Variants in SCAPER observed in about 807,000 individuals in gnomAD.
SCAPER encodes S phase cyclin A-associated protein in the endoplasmic reticulum.
Under a neutral mutation model 182.2 loss-of-function variants are expected in SCAPER, and 98 were observed. That is an observed-to-expected ratio of 0.54 (90% CI 0.46 to 0.64). SCAPER has a LOEUF of 0.64. Ranked by LOEUF, SCAPER falls within the 30% of genes least tolerant of loss-of-function variation. The probability of loss-of-function intolerance (pLI) is 0.00; values close to 1 mark genes in which losing one functional copy is unlikely to be tolerated. For missense variants in SCAPER, 1,432 were observed against 1,690.0 expected (o/e 0.85, Z 2.68); for synonymous variants, 605 against 564.6 (o/e 1.07, Z -1.01).
At chr15:76,887,624 T>C (rs1211548826) in intron 1 of SCAPER, among the ~76,000 whole-genome samples, 1 of 152,082 alleles carries the variant, frequency 6.6e-6, no homozygotes, top group East Asian at 1.9e-4. Flanking sequence ...TGCTGAGGCA[T>C]GAGTAGGTAA....
chr15:76,512,439 G>C (rs2042120121), intron 23 of SCAPER, among the ~76,000 whole-genome samples: 1 of 151,778 alleles, frequency 6.6e-6, no homozygotes, highest in Non-Finnish European at 1.5e-5. Flanking sequence ...AAAGCCTTTA[G>C]GTACTGACAT....
At chr15:76,540,810 A>T (rs1195083162) in intron 23 of SCAPER, among the ~76,000 whole-genome samples, 1 of 152,024 alleles carries the variant, frequency 6.6e-6, no homozygotes, top group Non-Finnish European at 1.5e-5. Flanking sequence ...CTTATGATAG[A>T]ATATCATGTG....
At chr15:76,826,288 CA>C (rs1335630736) in intron 5 of SCAPER, among the ~76,000 whole-genome samples, 4 of 151,150 alleles carry the variant, frequency 2.6e-5, no homozygotes, top group African/African-American at 9.7e-5. Context: ...TGGAAATCAT[CA>C]TTCTCAGTAA....
chr15:76,561,974 A>G (rs951217201), intron 23 of SCAPER, among the ~76,000 whole-genome samples: 1 of 151,616 alleles, frequency 6.6e-6, no homozygotes, highest in African/African-American at 2.4e-5. Flanking sequence ...GGTGATCCCC[A>G]TCTCTACCAA....
intron 25 of SCAPER, among the ~76,000 whole-genome samples, chr15:76,446,747 G>T (rs2142768010): frequency 6.6e-6 from 1 of 152,178 alleles, no homozygotes; most frequent in African/African-American, 2.4e-5. Context: ...ATATGAAAAA[G>T]GAAATGTATG....
At chr15:76,477,807 G>A (rs2050778039) in intron 24 of SCAPER, among the ~76,000 whole-genome samples, 1 of 151,768 alleles carries the variant, frequency 6.6e-6, no homozygotes, top group Admixed American at 6.6e-5. Context: ...TTATCACGGT[G>A]TGCCTTCTAC....
At chr15:76,373,327 C>T (rs995224938) in intron 29 of SCAPER, among the ~76,000 whole-genome samples, 9 of 152,046 alleles carry the variant, frequency 5.9e-5, no homozygotes, top group South Asian at 4.1e-4. Context: ...GGATTACAGG[C>T]GTGAGCTACT....
intron 23 of SCAPER, among the ~76,000 whole-genome samples, chr15:76,534,685 G>A (rs965200907): frequency 6.6e-6 from 1 of 152,062 alleles, no homozygotes; most frequent in African/African-American, 2.4e-5. Context: ...CTCCTTGGTA[G>A]AGCTTTCCTG....
intron 8 of SCAPER, among the ~76,000 whole-genome samples, chr15:76,782,541 T>A (rs1439192875): frequency 6.6e-6 from 1 of 152,162 alleles, no homozygotes; most frequent in African/African-American, 2.4e-5. Context: ...CTAATAGACA[T>A]CTACAGAACT....
intron 8 of SCAPER, among the ~76,000 whole-genome samples, chr15:76,786,901 A>C (rs2064652259): frequency 6.6e-6 from 1 of 152,196 alleles, no homozygotes; most frequent in Non-Finnish European, 1.5e-5. Context: ...CAAAAAGAAA[A>C]TGAAATAGTT....
At chr15:76,889,318 A>T (rs971360790) in intron 1 of SCAPER, among the ~76,000 whole-genome samples, 1 of 152,220 alleles carries the variant, frequency 6.6e-6, no homozygotes, top group Non-Finnish European at 1.5e-5. Context: ...AAATTCACAC[A>T]TAACAATATT....
In SCAPER at chr15:76,567,028, C is replaced by T. The variant is rs1254059071; in HGVS notation, c.2838+7130G>A. 2.0e-5 allele frequency among the ~76,000 whole-genome samples: 3 copies of T among 151,982 alleles called. No homozygotes were observed. In the East Asian group the frequency reaches 5.8e-4, roughly 29 times the overall value. ...CCCTTCTCTCTGAACAATCATGATC[C>T]TGATTTTTAGGAAATTTCTTTTTCT... On this transcript the variant is annotated intron_variant, in intron 23 of 31. Transcript: ENST00000563290.
chr15:76,559,139 A>G (rs749297369), intron 23 of SCAPER, among the ~76,000 whole-genome samples: 10 of 150,918 alleles, frequency 6.6e-5, no homozygotes, highest in Non-Finnish European at 1.5e-4. Flanking sequence ...GGTTCAAGCA[A>G]TTCTCCTGCC....
chr15:76,870,215 T>C (rs1162232148), intron 2 of SCAPER, among the ~76,000 whole-genome samples: 1 of 152,186 alleles, frequency 6.6e-6, no homozygotes, highest in Admixed American at 6.5e-5. Flanking sequence ...TATAATACTT[T>C]ATTATGCTTT....
At chr15:76,779,603 A>G (rs1244277672) in intron 8 of SCAPER, among the ~76,000 whole-genome samples, 1 of 152,188 alleles carries the variant, frequency 6.6e-6, no homozygotes. Flanking sequence ...GGCAAATTCA[A>G]CTAAAAACTT....
intron 28 of SCAPER, chr15:76,380,982 G>A (rs1358451609): frequency 1.3e-5 from 2 of 152,918 alleles, no homozygotes; most frequent in African/African-American, 4.8e-5. Flanking sequence ...AGATGATAAT[G>A]TCCTGATATA....
intron 27 of SCAPER, among the ~76,000 whole-genome samples, chr15:76,397,248 A>T (rs2044129460): frequency 6.6e-6 from 1 of 152,074 alleles, no homozygotes; most frequent in African/African-American, 2.4e-5. Context: ...GGATTTCTGC[A>T]TTAATATTCA....
At chr15:76,733,749 A>G (rs2061069036) in intron 15 of SCAPER, among the ~76,000 whole-genome samples, 1 of 152,008 alleles carries the variant, frequency 6.6e-6, no homozygotes, top group Non-Finnish European at 1.5e-5. Context: ...ACAAGACTCC[A>G]TATCAAAAAA....
intron 23 of SCAPER, among the ~76,000 whole-genome samples, chr15:76,558,004 T>C (rs964427244): frequency 7.2e-5 from 11 of 152,132 alleles, no homozygotes; most frequent in Admixed American, 2.0e-4. Context: ...CAATTCAAAA[T>C]GGATTAAAGA....
Sources: allele counts gnomAD v4.1 joint callset (sites outside exome capture counted in the v4.1 genomes callset), GRCh38; gene constraint gnomAD v4.1.1; transcripts MANE v1.5; gene names NCBI Gene and HGNC (gene_info 2026-07-23, HGNC 2026-07-21).